The following CFAP54 variants were observed in gnomAD, a reference collection of about 807,000 sequenced individuals.
CFAP54 encodes the protein cilia- and flagella-associated protein 54.
CFAP54 carries 290 observed loss-of-function variants against 370.4 expected under a neutral mutation model. That is an observed-to-expected ratio of 0.78 (90% CI 0.71 to 0.86). The LOEUF is 0.86. Among genes scored for constraint, CFAP54 ranks in the 40% least tolerant of loss-of-function variants. The pLI is 0.00. For missense variants in CFAP54, 3,399 were observed against 3,528.7 expected, an observed-to-expected ratio of 0.96 and a Z score of 0.93; for synonymous variants, 1,206 against 1,236.5, an observed-to-expected ratio of 0.98 and a Z score of 0.52.
intron 46 of CFAP54, among the ~76,000 whole-genome samples, chr12:96,701,844 A>G (rs1957494939): frequency 6.6e-6 from 1 of 152,050 alleles, no homozygotes; most frequent in Non-Finnish European, 1.5e-5. Flanking sequence ...AAGGACTGGA[A>G]TTTTCTCTAA....
chr12:96,613,052 A>T (rs915243968), intron 26 of CFAP54, among the ~76,000 whole-genome samples: 1 of 152,192 alleles, frequency 6.6e-6, no homozygotes, highest in African/African-American at 2.4e-5. Flanking sequence ...CTCCACCCCA[A>T]ATCAACAGAA....
intron 67 of CFAP54, among the ~76,000 whole-genome samples, chr12:96,870,407 A>G (rs1960126372): frequency 1.3e-5 from 2 of 152,212 alleles, no homozygotes; most frequent in East Asian, 1.9e-4. Flanking sequence ...GCGTAGCATC[A>G]TGGATGAGGG....
At chr12:96,691,029 C>T (rs1957382095) in intron 43 of CFAP54, 99 bp from the exon 44 acceptor site, 2 of 1,003,960 alleles carry the variant, frequency 2.0e-6, no homozygotes, top group Non-Finnish European at 3.0e-6. Flanking sequence ...TAGGCATATA[C>T]TAAGCATTTT....
chr12:96,540,840 A>C lies in CFAP54; in HGVS notation c.1930A>C (p.Ile644Leu), dbSNP rs1425941622. 1.4e-6 allele frequency: 2 copies of C among 1,446,666 alleles called. No individual in the cohort carries two copies. Among genetic ancestry groups the C allele is most frequent in the South Asian group, 2.9e-5 (2 of 68,022 alleles). The allele number at this position is 1,446,666 out of a possible 1,614,324, so 89.6% of individuals were successfully genotyped here. A position where few individuals can be genotyped will look rare whatever the true frequency, so the allele number is the denominator to read the frequency against. Residue 644 changes from isoleucine to leucine, a missense_variant, in exon 14 of 68, where the codon ATT becomes CTT. Physicochemically the swap from Ile to Leu is conservative, Grantham distance 5. This residue lies in a region of CFAP54 where 2,796 missense variants were observed against 2,869.7 expected (regional missense o/e 0.97). Transcript: ENST00000524981. The part of the protein sequence containing the change: ...FTQKISTNKW[I>L]YLLWQINEVI... Reference sequence around the variant, plus strand: ...GCTGTGTATTTTCTCTTTTTAGTGGATTTATCTTCTGTGGCAGATAAATGA... The same window carrying C: ...GCTGTGTATTTTCTCTTTTTAGTGGCTTTATCTTCTGTGGCAGATAAATGA...
At chr12:96,807,904 A>G (rs911338456) in intron 63 of CFAP54, among the ~76,000 whole-genome samples, 1 of 152,174 alleles carries the variant, frequency 6.6e-6, no homozygotes, top group Non-Finnish European at 1.5e-5. Context: ...CCACCGATTC[A>G]TGGAATAGGG....
At chr12:96,504,138 G>A (rs1456173869) in intron 3 of CFAP54, 109 bp downstream of exon 3, 8 of 1,056,256 alleles carry the variant, frequency 7.6e-6, no homozygotes, top group African/African-American at 4.9e-5. Flanking sequence ...GCATCTAGCT[G>A]TGTGCTATAA....
At chr12:96,638,223 GTGTGTGTGTGTGTGTGTGTATATA>G (rs1376949158) in intron 32 of CFAP54, among the ~76,000 whole-genome samples, 4 of 91,272 alleles carry the variant, frequency 4.4e-5, no homozygotes, top group African/African-American at 1.5e-4. Context: ...GTGTGTGTGT[GTGTGTGTGTGTGTGTGTGTATATA>G]TATATATATT....
rs17738874 is a variant in CFAP54, at chr12:96,792,174, C to T, written c.8680-155C>T. On this transcript the variant is annotated intron_variant, in intron 62 of 67. Coordinates refer to ENST00000524981, the MANE Select transcript of CFAP54 (RefSeq NM_001306084.2). Reference sequence around the variant, plus strand: ...CAGCATATTTTTACTGTAGGAGAATCTTCTCTGTAGTAAGCCAGGGTTAGT... The same window carrying T: ...CAGCATATTTTTACTGTAGGAGAATTTTCTCTGTAGTAAGCCAGGGTTAGT... 2.0e-3 allele frequency among the ~76,000 whole-genome samples: 300 copies of T among 152,222 alleles called. 1 individual carries two copies. Among genetic ancestry groups the T allele is most frequent in the Non-Finnish European group, 3.4e-3 (229 of 68,000 alleles).
At chr12:96,728,023 G>T (rs1437342683) in intron 50 of CFAP54, among the ~76,000 whole-genome samples, 1 of 152,140 alleles carries the variant, frequency 6.6e-6, no homozygotes, top group Non-Finnish European at 1.5e-5. Flanking sequence ...CTTCTGGCTT[G>T]TAGAGTTTCT....
At chr12:96,684,515 C>T (rs781772871) in intron 40 of CFAP54, 133 bp from the exon 41 acceptor site, 24 of 655,314 alleles carry the variant, frequency 3.7e-5, no homozygotes, top group Middle Eastern at 3.6e-4. Flanking sequence ...CATTTGAAGG[C>T]GCTGTTAACT....
At position 96,524,377 on chromosome 12, in the gene CFAP54, G is replaced by A. The variant is rs79906318; in HGVS notation, c.1158+2188G>A. Among the ~76,000 whole-genome samples, 906 of 152,294 alleles carry A rather than the reference G, an allele frequency of 5.9e-3. 6 individuals carry two copies. The highest frequency in any genetic ancestry group is 0.02 in the African/African-American group (840 of 41,560). ...AATGATAATGGTGAGGATGAAATGA[G>A]TTACATGTAAAGCCCTTAGAATGTT... is the stretch of plus-strand genomic sequence containing the variant. On this transcript the variant is annotated intron_variant, in intron 8 of 67. Coordinates refer to ENST00000524981, the MANE Select transcript of CFAP54 (RefSeq NM_001306084.2).
chr12:96,860,063 T>A (rs1408047100), intron 66 of CFAP54, among the ~76,000 whole-genome samples: 1 of 151,950 alleles, frequency 6.6e-6, no homozygotes, highest in Non-Finnish European at 1.5e-5. Context: ...TCATTATGCT[T>A]TTTTAAGAAT....
chr12:96,509,708 C>T (rs1035614026), intron 4 of CFAP54, among the ~76,000 whole-genome samples: 16 of 151,128 alleles, frequency 1.1e-4, no homozygotes, highest in African/African-American at 3.9e-4. Context: ...CCCAGTTACT[C>T]AGGAGGCTGA....
chr12:96,679,418 G>C (rs1321950178), intron 39 of CFAP54, among the ~76,000 whole-genome samples, 182 bp from the exon 40 acceptor site: 1 of 149,158 alleles, frequency 6.7e-6, no homozygotes, highest in Non-Finnish European at 1.5e-5. Flanking sequence ...AGGACCTTCT[G>C]GTATACTAAA....
At chr12:96,514,761 C>G (rs544382762) in intron 5 of CFAP54, among the ~76,000 whole-genome samples, 1 of 152,224 alleles carries the variant, frequency 6.6e-6, no homozygotes, top group African/African-American at 2.4e-5. Flanking sequence ...GCCTCATATA[C>G]CTTGAGTTTG....
At chr12:96,693,600 C>T in intron 44 of CFAP54, 122 bp from the exon 45 acceptor site, 5 of 595,530 alleles carry the variant, frequency 8.4e-6, no homozygotes, top group Non-Finnish European at 1.4e-5. Context: ...GTATAGTTTC[C>T]TAGCATGGAA....
rs775715815 is a variant in CFAP54 at position 96,744,022 on chromosome 12, G to A, written c.7560G>A (p.Met2520Ile). 8 of 1,608,774 alleles carry A rather than the reference G, an allele frequency of 5.0e-6. No homozygotes were observed. In the South Asian group the frequency reaches 7.8e-5, roughly 16 times the overall value. The change falls in exon 55 of 68, where the codon ATG (methionine) becomes ATA (isoleucine). Residue 2520 changes from methionine (M) to isoleucine (I), a missense_variant and splice_region_variant. By Grantham distance (10) the Met-to-Ile change is conservative (BLOSUM62 1). Transcript: ENST00000524981. ...TACAATATTTGTTTTTTTAATAGAT[G>A]CTAGCTTTTGGAGAAACAATTGAAT... The part of the protein sequence containing the change: ...TRAHSILTEQ[M>I]LAFGETIEFR...
intron 46 of CFAP54, among the ~76,000 whole-genome samples, chr12:96,702,455 G>C (rs534744517): frequency 3.9e-5 from 6 of 152,060 alleles, no homozygotes; most frequent in Admixed American, 3.3e-4. Flanking sequence ...TAGACATTAG[G>C]GTCACTCACA....
chr12:96,771,430 T>G (rs34473), intron 60 of CFAP54, among the ~76,000 whole-genome samples: 2 of 152,136 alleles, frequency 1.3e-5, no homozygotes, highest in East Asian at 3.9e-4. Flanking sequence ...AGGCGGGCGG[T>G]TCACGAGGTC....
Sources: gnomAD v4.1 joint callset for allele counts (sites outside exome capture counted in the v4.1 genomes callset) on GRCh38, gnomAD v4.1.1 for gene constraint, gnomAD v4.1.1 regional missense constraint, MANE v1.5 for transcripts, NCBI Gene and HGNC (gene_info 2026-07-23, HGNC 2026-07-21) for gene names.